The following FAM124A variants were observed in gnomAD, a reference collection of about 807,000 sequenced individuals.
FAM124A encodes family with sequence similarity 124 member A, also known as protein FAM124A.
A neutral mutation model predicts 24.5 loss-of-function variants in FAM124A; 23 were observed. The ratio of observed to expected loss-of-function variants is 0.94; its 90% CI spans 0.68 to 1.33. The LOEUF (loss-of-function observed/expected upper bound fraction) is 1.33. Among genes scored for constraint, FAM124A ranks in the 40% most tolerant of loss-of-function variants. The pLI is 0.00. For missense variants in FAM124A, 623 were observed against 722.8 expected, an observed-to-expected ratio of 0.86 and a Z score of 1.58; for synonymous variants, 287 against 314.7, an observed-to-expected ratio of 0.91 and a Z score of 0.93.
intron 3 of FAM124A, among the ~76,000 whole-genome samples, chr13:51,254,410 G>A (rs919286219): frequency 6.6e-6 from 1 of 151,644 alleles, no homozygotes. Context: ...TTTTTTCTGG[G>A]ATCTACTCAC....
chr13:51,275,944 C>T (rs1566175639), intron 3 of FAM124A, among the ~76,000 whole-genome samples: 1 of 152,164 alleles, frequency 6.6e-6, no homozygotes, highest in Non-Finnish European at 1.5e-5. Context: ...CACAGCAGCA[C>T]CTTGAATTTT....
intron 3 of FAM124A, among the ~76,000 whole-genome samples, chr13:51,273,083 T>C (rs1012516535): frequency 6.6e-6 from 1 of 152,198 alleles, no homozygotes; most frequent in African/African-American, 2.4e-5. Context: ...ATTCAAAAAA[T>C]GATAGGGAGG....
intron 3 of FAM124A, among the ~76,000 whole-genome samples, chr13:51,278,202 G>C (rs1284894672): frequency 6.6e-6 from 1 of 152,190 alleles, no homozygotes; most frequent in Non-Finnish European, 1.5e-5. Context: ...CTGAAAGCCA[G>C]GGGGAGGCTT....
At chr13:51,249,589 C>A (rs1954598114) in intron 2 of FAM124A, among the ~76,000 whole-genome samples, 1 of 152,172 alleles carries the variant, frequency 6.6e-6, no homozygotes, top group Non-Finnish European at 1.5e-5. Context: ...TGGTGTTCAA[C>A]TAAAGAAACA....
At chr13:51,276,194 CAA>C (rs1954884903) in intron 3 of FAM124A, among the ~76,000 whole-genome samples, 1 of 152,134 alleles carries the variant, frequency 6.6e-6, no homozygotes, top group Non-Finnish European at 1.5e-5. Context: ...AGAGATCACT[CAA>C]GAGGTATGCG....
intron 2 of FAM124A, among the ~76,000 whole-genome samples, chr13:51,241,241 G>A (rs1954490486): frequency 1.3e-5 from 2 of 152,200 alleles, no homozygotes; most frequent in African/African-American, 4.8e-5. Context: ...GGGCCCCAAG[G>A]CGATTAAGAA....
At chr13:51,224,595 G>C (rs1003832978) in intron 1 of FAM124A, among the ~76,000 whole-genome samples, 9 of 152,182 alleles carry the variant, frequency 5.9e-5, no homozygotes, top group African/African-American at 9.7e-5. Flanking sequence ...TTGAATTTCA[G>C]TTATCAAAAA....
At chr13:51,254,324 A>T (rs1016015787) in intron 3 of FAM124A, among the ~76,000 whole-genome samples, 2 of 152,138 alleles carry the variant, frequency 1.3e-5, no homozygotes, top group African/African-American at 4.8e-5. Flanking sequence ...ATCTTACACC[A>T]CTGACTTAAC....
At position 51,281,123 on chromosome 13, in the gene FAM124A, C is replaced by G. The variant is rs745846241; in HGVS notation, c.1508C>G (p.Thr503Ser). The change falls in exon 4 of 4, where the codon ACC (threonine) becomes AGC (serine). Residue 503 changes from threonine to serine, a missense_variant. By Grantham distance (58) the Thr-to-Ser change is moderately conservative. Coordinates refer to ENST00000322475, the MANE Select transcript of FAM124A (RefSeq NM_001242312.2). ...CGTGCTGCTCCCCCAGCTCCCAGCA[C>G]CTCCACCCTCACAGACTCCTCCCCA... is the stretch of plus-strand genomic sequence containing the variant. ...TARAAPPAPS[T>S]STLTDSSPQL... 2 of 1,614,116 alleles carry G rather than the reference C, an allele frequency of 1.2e-6. No homozygotes were observed. The highest frequency in any genetic ancestry group is 1.7e-6 in the Non-Finnish European group (2 of 1,180,016).
rs542172122 is a variant in FAM124A, at chr13:51,281,929, G to A, written c.*673G>A. 1.3e-5 allele frequency: 2 copies of A among 152,224 alleles called. No individual in the cohort carries two copies. Among genetic ancestry groups the A allele is most frequent in the South Asian group, 4.2e-4 (2 of 4,816 alleles). 9.4% of individuals were successfully genotyped at this position (152,224 alleles called of 1,614,324 possible). A position where few individuals can be genotyped will look rare whatever the true frequency, so the allele number is the denominator to read the frequency against. On this transcript the variant is annotated 3_prime_UTR_variant, in exon 4 of 4. Coordinates refer to ENST00000322475, the MANE Select transcript of FAM124A (RefSeq NM_001242312.2). ...ATTTAGCATGAGTAACAGACTCTTG[G>A]TGCATTTAAAATATGTGAGTTCCAG...
At chr13:51,223,727 T>C (rs1223632839) in intron 1 of FAM124A, among the ~76,000 whole-genome samples, 2 of 152,242 alleles carry the variant, frequency 1.3e-5, no homozygotes, top group Non-Finnish European at 2.9e-5. Flanking sequence ...TTCATAGCTC[T>C]CTACAGCACC....
At chr13:51,233,936 G>A (rs975874478) in intron 2 of FAM124A, among the ~76,000 whole-genome samples, 19 of 152,134 alleles carry the variant, frequency 1.2e-4, no homozygotes, top group African/African-American at 4.3e-4. Context: ...AGTCACAGTT[G>A]AGACTTGGGG....
intron 3 of FAM124A, among the ~76,000 whole-genome samples, chr13:51,265,200 G>A (rs17837207): frequency 0.089 from 13,569 of 152,168 alleles, 782 homozygotes; most frequent in East Asian, 0.24. Flanking sequence ...TTCCCAGGTC[G>A]GCTTGGCCAC....
chr13:51,274,478 A>C lies in FAM124A; in HGVS notation c.835-5972A>C, dbSNP rs750772009. On this transcript the variant is annotated intron_variant, in intron 3 of 3. Transcript: ENST00000322475. ...TTGGGATTAGGAATACTCAACCTGT[A>C]TTAAACAAAGCTGGTCCCTGAGGCA... Among the ~76,000 whole-genome samples, 33 of 152,218 alleles carry C rather than the reference A, an allele frequency of 2.2e-4. 1 individual carries two copies. Among genetic ancestry groups the C allele is most frequent in the Admixed American group, 9.2e-4 (14 of 15,274 alleles).
At chr13:51,279,948 C>T (rs1593614457) in intron 3 of FAM124A, among the ~76,000 whole-genome samples, 1 of 152,168 alleles carries the variant, frequency 6.6e-6, no homozygotes, top group African/African-American at 2.4e-5. Context: ...TAGAATCACA[C>T]CCCATGTGGA....
At chr13:51,260,455 C>G (rs1033723170) in intron 3 of FAM124A, among the ~76,000 whole-genome samples, 1 of 152,168 alleles carries the variant, frequency 6.6e-6, no homozygotes, top group Non-Finnish European at 1.5e-5. Context: ...ACAATGAGCT[C>G]GTGCAGGAAA....
At chr13:51,236,313 A>C (rs1275123896) in intron 2 of FAM124A, among the ~76,000 whole-genome samples, 1 of 152,222 alleles carries the variant, frequency 6.6e-6, no homozygotes, top group Non-Finnish European at 1.5e-5. Flanking sequence ...GTCTGGGAAG[A>C]CATCTCATCC....
At chr13:51,275,746 G>A (rs1566175589) in intron 3 of FAM124A, among the ~76,000 whole-genome samples, 1 of 152,218 alleles carries the variant, frequency 6.6e-6, no homozygotes, top group Non-Finnish European at 1.5e-5. Context: ...AGGACGTGGA[G>A]CAACTGGAAT....
In FAM124A at chr13:51,280,889, T is replaced by C; in HGVS notation, c.1274T>C (p.Leu425Pro). The C allele has an allele frequency of 2.5e-6, 4 of 1,614,158 alleles. No individual in the cohort carries two copies. In the South Asian group the frequency reaches 4.4e-5, roughly 18 times the overall value. ...DTGLRLSSSD[L>P]SVVSAYSAPS... Reference sequence around the variant, plus strand: ...GGCCTGCGGCTGTCCTCATCGGACCTGTCTGTGGTCTCTGCATATTCTGCA... The same window carrying C: ...GGCCTGCGGCTGTCCTCATCGGACCCGTCTGTGGTCTCTGCATATTCTGCA... The change falls in exon 4 of 4, where the codon CTG (leucine) becomes CCG (proline). Residue 425 changes from leucine (L) to proline (P), a missense_variant. Coordinates refer to ENST00000322475, the MANE Select transcript of FAM124A (RefSeq NM_001242312.2).
Sources: gnomAD v4.1 joint callset for allele counts (sites outside exome capture counted in the v4.1 genomes callset) on GRCh38, gnomAD v4.1.1 for gene constraint, MANE v1.5 for transcripts, NCBI Gene and HGNC (gene_info 2026-07-23, HGNC 2026-07-21) for gene names.